The following XKR6 variants were observed in gnomAD, a reference collection of about 807,000 sequenced individuals.
XKR6 encodes XK related 6, also known as XK-related protein 6.
A neutral mutation model predicts 56.7 loss-of-function variants in XKR6; 22 were observed. The ratio of observed to expected loss-of-function variants is 0.39; its 90% CI spans 0.28 to 0.55. The LOEUF is 0.55. XKR6 is among the 20% of genes least tolerant of loss of function. The pLI, the probability that XKR6 is intolerant of heterozygous loss-of-function variation, is 0.66. For missense variants in XKR6, 852 were observed against 889.0 expected (o/e 0.96, Z 0.53); for synonymous variants, 524 against 387.8 (o/e 1.35, Z -4.13).
intron 2 of XKR6, among the ~76,000 whole-genome samples, chr8:10,923,740 C>G (rs1800792434): frequency 6.6e-6 from 1 of 152,172 alleles, no homozygotes; most frequent in Non-Finnish European, 1.5e-5. Context: ...CCAAGAGGAC[C>G]TGCGGGGTCT....
chr8:10,898,371 G>A lies in XKR6; in HGVS notation c.1507C>T (p.Pro503Ser). 6.2e-7 allele frequency: 1 copy of A among 1,614,026 alleles called. No individual in the cohort carries two copies. The highest frequency in any genetic ancestry group is 8.5e-7 in the Non-Finnish European group (1 of 1,179,992). Residue 503 changes from proline (P) to serine (S), a missense_variant, in exon 3 of 3, where the codon CCA (proline) becomes TCA (serine). Coordinates refer to ENST00000416569, the MANE Select transcript of XKR6 (RefSeq NM_173683.4). This position sits in a 1 kb window ranked among gnomAD's most constrained non-coding sequence, Gnocchi z 6.6. ...GAGCTGGCAAGGATCTTAGCTCGTG[G>A]TCCTGTGGGATGCAGCACGCCATAG... ...LYYGVLHPTG[P>S]RAKILASSCC...
intron 1 of XKR6, among the ~76,000 whole-genome samples, chr8:10,991,725 G>A (rs561967748): frequency 6.6e-6 from 1 of 152,254 alleles, no homozygotes; most frequent in East Asian, 1.9e-4. Context: ...TTTATTTAAA[G>A]GTAGAGTTGC....
chr8:10,975,130 G>T (rs1802514881), intron 1 of XKR6, among the ~76,000 whole-genome samples: 1 of 152,142 alleles, frequency 6.6e-6, no homozygotes, highest in South Asian at 2.1e-4. Context: ...GATGCTCCCA[G>T]TACTTGCAGG....
At chr8:10,910,000 T>C (rs1800304465) in intron 2 of XKR6, among the ~76,000 whole-genome samples, 1 of 151,950 alleles carries the variant, frequency 6.6e-6, no homozygotes, top group South Asian at 2.1e-4. Context: ...GGGACCTTTT[T>C]CAGTTTACAA....
At chr8:11,052,048 T>A (rs1799563443) in intron 1 of XKR6, among the ~76,000 whole-genome samples, 1 of 152,174 alleles carries the variant, frequency 6.6e-6, no homozygotes, top group African/African-American at 2.4e-5. Context: ...TACTTCAGCA[T>A]AAAATCCAAT....
At chr8:10,971,514 G>T (rs887188481) in intron 1 of XKR6, among the ~76,000 whole-genome samples, 4 of 151,868 alleles carry the variant, frequency 2.6e-5, no homozygotes, top group Non-Finnish European at 5.9e-5. Flanking sequence ...AGTTGAGTAG[G>T]GATCAATATT....
chr8:11,157,226 T>G (rs1801564642), intron 1 of XKR6, among the ~76,000 whole-genome samples: 1 of 151,992 alleles, frequency 6.6e-6, no homozygotes, highest in South Asian at 2.1e-4. Context: ...GACAGAGACA[T>G]GACAACAAAA....
At chr8:11,093,822 C>A (rs1012881633) in intron 1 of XKR6, among the ~76,000 whole-genome samples, 1 of 152,036 alleles carries the variant, frequency 6.6e-6, no homozygotes, top group Non-Finnish European at 1.5e-5. Flanking sequence ...CTCGCTCTGT[C>A]GCACAGGCTG....
chr8:11,097,677 C>T (rs1020720725), intron 1 of XKR6, among the ~76,000 whole-genome samples: 1 of 151,570 alleles, frequency 6.6e-6, no homozygotes, highest in Non-Finnish European at 1.5e-5. Flanking sequence ...CGTGGTGGTG[C>T]ACACCTGTGG....
chr8:11,177,605 G>A (rs191397633), intron 1 of XKR6, among the ~76,000 whole-genome samples: 88 of 152,284 alleles, frequency 5.8e-4, no homozygotes, highest in African/African-American at 2.0e-3. Flanking sequence ...CAACATGACC[G>A]GTTTCCTTAT....
intron 1 of XKR6, chr8:11,194,930 A>T (rs1803789838): frequency 3.7e-6 from 2 of 546,200 alleles, no homozygotes; most frequent in Non-Finnish European, 6.4e-6. Context: ...TTTCGCTCCA[A>T]AGCATGCCAT....
chr8:11,157,504 ATG>A (rs1470656070), intron 1 of XKR6, among the ~76,000 whole-genome samples: 8 of 151,992 alleles, frequency 5.3e-5, no homozygotes, highest in African/African-American at 1.9e-4. Flanking sequence ...GTATGTATGT[ATG>A]TATGTATGTA....
rs75739447 is a variant in XKR6, at chr8:11,011,635, G to T, written c.765-86805C>A. Among the ~76,000 whole-genome samples, 18 of 152,308 alleles carry T rather than the reference G, an allele frequency of 1.2e-4. No homozygotes were observed. The East Asian group carries it at 3.3e-3, about 28-fold the overall frequency. ...AGCAAACAAATAGGTAAGTAATAGA[G>T]ATGGCAATAAGTGTTGCAGAGAAGG... On this transcript the variant is annotated intron_variant, in intron 1 of 2. Coordinates refer to ENST00000416569, the MANE Select transcript of XKR6 (RefSeq NM_173683.4).
chr8:11,173,889 T>C (rs1026561329), intron 1 of XKR6, among the ~76,000 whole-genome samples: 9 of 152,140 alleles, frequency 5.9e-5, no homozygotes, highest in Admixed American at 2.0e-4. Flanking sequence ...ACCTAGTTAT[T>C]AGACGGGACA....
intron 1 of XKR6, among the ~76,000 whole-genome samples, chr8:10,941,376 C>A (rs564602893): frequency 1.1e-4 from 16 of 152,344 alleles, no homozygotes; most frequent in African/African-American, 3.8e-4. Context: ...TCTGCCCTGA[C>A]CCCAGGATGG....
At chr8:10,907,775 T>A (rs1012224305) in intron 2 of XKR6, among the ~76,000 whole-genome samples, 1 of 152,222 alleles carries the variant, frequency 6.6e-6, no homozygotes, top group Non-Finnish European at 1.5e-5. Flanking sequence ...ATCACCTCTG[T>A]GAGCATTGAC....
rs1228678885 is a variant in XKR6, at chr8:10,898,318, G to A, written c.1560C>T (p.Ile520=). 1 of 1,613,930 alleles carries A rather than the reference G, an allele frequency of 6.2e-7. No individual in the cohort carries two copies. Among genetic ancestry groups the A allele is most frequent in the African/African-American group, 1.3e-5 (1 of 74,936 alleles). The change falls in exon 3 of 3, where the codon ATC becomes ATT. Residue 520 remains isoleucine, a synonymous_variant. Coordinates refer to ENST00000416569, the MANE Select transcript of XKR6 (RefSeq NM_173683.4). The surrounding 1 kb of genome is among the most constrained non-coding windows in gnomAD (Gnocchi z 6.6). ...SSCCAELLWG[I]PLPPDVEPMA... ...TGGGCTCAACATCGGGGGGCAAAGG[G>A]ATGCCCCAGAGCAGCTCGGCACAAC...
intron 1 of XKR6, among the ~76,000 whole-genome samples, chr8:11,186,969 AAG>A (rs1214726128): frequency 6.6e-6 from 1 of 152,338 alleles, no homozygotes; most frequent in East Asian, 1.9e-4. Context: ...TTCAAAAAGA[AAG>A]AGAAAAAAAC....
At chr8:11,167,751 C>T (rs1802152887) in intron 1 of XKR6, among the ~76,000 whole-genome samples, 1 of 152,054 alleles carries the variant, frequency 6.6e-6, no homozygotes, top group Non-Finnish European at 1.5e-5. Context: ...AAGAGCCAAC[C>T]TGCAAAAACT....
Sources: gnomAD v4.1 joint callset for allele counts (sites outside exome capture counted in the v4.1 genomes callset) on GRCh38, gnomAD v4.1.1 for gene constraint, Gnocchi (gnomAD v3.1) non-coding constraint, MANE v1.5 for transcripts, NCBI Gene and HGNC (gene_info 2026-07-23, HGNC 2026-07-21) for gene names.